Variants in DLGAP1 observed in about 807,000 individuals in gnomAD.
The protein encoded by DLGAP1 is disks large-associated protein 1.
A neutral mutation model predicts 90.8 loss-of-function variants in DLGAP1; 11 were observed. The observed-to-expected ratio is 0.12, with a 90% confidence interval of 0.08 to 0.20. The LOEUF is 0.20. Among genes scored for constraint, DLGAP1 ranks in the 10% least tolerant of loss-of-function variants. DLGAP1 has a pLI of 1.00. For synonymous variants in DLGAP1, 558 were observed against 540.7 expected (o/e 1.03, Z -0.44); for missense variants, 1,050 against 1,333.8 (o/e 0.79, Z 3.31).
intron 5 of DLGAP1, among the ~76,000 whole-genome samples, chr18:3,758,510 C>CT (rs2147882434): frequency 6.6e-6 from 1 of 152,216 alleles, no homozygotes; most frequent in East Asian, 1.9e-4. Flanking sequence ...CTCAAAGCCA[C>CT]TTTCTGTCTG....
intron 5 of DLGAP1, among the ~76,000 whole-genome samples, chr18:3,811,014 C>G (rs1425599989): frequency 6.6e-6 from 1 of 152,108 alleles, no homozygotes; most frequent in Non-Finnish European, 1.5e-5. Context: ...CCATGTTGCC[C>G]AGGCTGGTCT....
intron 9 of DLGAP1, among the ~76,000 whole-genome samples, chr18:3,541,364 GA>G (rs1484585331): frequency 6.6e-6 from 1 of 152,180 alleles, no homozygotes; most frequent in Non-Finnish European, 1.5e-5. Context: ...TTTGAAATTT[GA>G]AACGCCTGAA....
Position 3,583,160 on chromosome 18 carries a change from A to T in DLGAP1, c.1592-912T>A, listed in dbSNP as rs1331743656. ...GACTGACCGACCTACCTACCTACCT[A>T]CCTACCTACCTACCTACCTACCTAC... On this transcript the variant is annotated intron_variant, in intron 7 of 12. Transcript: ENST00000315677. 2.2e-3 allele frequency among the ~76,000 whole-genome samples: 285 copies of T among 130,034 alleles called. 4 individuals are homozygous for T. The highest frequency in any genetic ancestry group is 6.4e-3 in the South Asian group (23 of 3,578). 85.3% of individuals were successfully genotyped at this position (130,034 alleles called of 152,430 possible).
chr18:4,415,016 T>C (rs2082860309), intron 1 of DLGAP1, among the ~76,000 whole-genome samples: 2 of 148,544 alleles, frequency 1.3e-5, no homozygotes, highest in Admixed American at 6.8e-5. Flanking sequence ...ATTGGGTCAA[T>C]TGAAATATAC....
intron 3 of DLGAP1, among the ~76,000 whole-genome samples, chr18:3,913,598 T>C (rs2072080506): frequency 6.6e-6 from 1 of 152,248 alleles, no homozygotes; most frequent in Admixed American, 6.5e-5. Flanking sequence ...ATGGCTGGAT[T>C]GAAATATAGA....
intron 4 of DLGAP1, among the ~76,000 whole-genome samples, chr18:3,870,605 C>CATCTATCTATCT (rs67573915): frequency 3.6e-4 from 54 of 148,228 alleles, no homozygotes; most frequent in South Asian, 6.5e-4. Flanking sequence ...TACATAAATA[C>CATCTATCTATCT]ATCTATCTAT....
intron 2 of DLGAP1, among the ~76,000 whole-genome samples, chr18:4,065,074 A>C (rs1014665460): frequency 1.3e-5 from 2 of 152,158 alleles, no homozygotes; most frequent in Admixed American, 1.3e-4. Flanking sequence ...CTAAAGACAA[A>C]AACCACATGA....
chr18:4,090,993 C>G (rs144482604), intron 2 of DLGAP1, among the ~76,000 whole-genome samples: 4 of 152,160 alleles, frequency 2.6e-5, no homozygotes, highest in South Asian at 2.1e-4. Flanking sequence ...AACACAAGAA[C>G]AGAAAAGCAA....
In DLGAP1 at chr18:3,499,467, G is replaced by C; in HGVS notation, c.2725-73C>G. ...GCTTGGGAAAAACTGGGATAGGTCA[G>C]TAGTTAGAACACACAGTTTTTTACC... On this transcript the variant is annotated intron_variant, in intron 12 of 12. Coordinates refer to ENST00000315677, the MANE Select transcript of DLGAP1 (RefSeq NM_004746.4). The surrounding 1 kb of genome is among the most constrained non-coding windows in gnomAD (Gnocchi z 6.4). The C allele has an allele frequency of 2.0e-6, 3 of 1,488,470 alleles. No homozygotes were observed. Among genetic ancestry groups the C allele is most frequent in the Non-Finnish European group, 1.8e-6 (2 of 1,098,690 alleles). 92.2% of individuals were successfully genotyped at this position (1,488,470 alleles called of 1,614,324 possible).
At chr18:4,072,081 T>C (rs1410126926) in intron 2 of DLGAP1, among the ~76,000 whole-genome samples, 1 of 152,192 alleles carries the variant, frequency 6.6e-6, no homozygotes, top group Admixed American at 6.5e-5. Context: ...TGTGTGTCTG[T>C]GTTGGAGGCC....
chr18:3,561,185 G>C (rs2054071088), intron 9 of DLGAP1, among the ~76,000 whole-genome samples: 1 of 149,202 alleles, frequency 6.7e-6, no homozygotes, highest in East Asian at 1.9e-4. Context: ...GGAGGCTGAG[G>C]TGGGCGGATC....
intron 1 of DLGAP1, among the ~76,000 whole-genome samples, chr18:4,445,643 G>C (rs975593920): frequency 4.0e-5 from 6 of 151,842 alleles, no homozygotes; most frequent in African/African-American, 7.3e-5. Flanking sequence ...CCCTTGAAAA[G>C]TCACTCTACT....
intron 3 of DLGAP1, among the ~76,000 whole-genome samples, chr18:3,988,330 C>T (rs963904893): frequency 1.1e-4 from 17 of 152,148 alleles, no homozygotes; most frequent in African/African-American, 3.4e-4. Context: ...AAGCCTACCA[C>T]CAGAGGCAGC....
At chr18:4,129,958 T>C (rs2076289134) in intron 2 of DLGAP1, among the ~76,000 whole-genome samples, 1 of 152,210 alleles carries the variant, frequency 6.6e-6, no homozygotes. Flanking sequence ...TTCTGGGCAT[T>C]GTCCGGAGCA....
chr18:3,535,076 G>C (rs953425869), intron 9 of DLGAP1, among the ~76,000 whole-genome samples: 10 of 61,862 alleles, frequency 1.6e-4, no homozygotes, highest in African/African-American at 5.4e-4. Context: ...TCTTCTCTGT[G>C]TGTGTGTGTG....
chr18:3,627,946 C>A (rs560632132), intron 7 of DLGAP1, among the ~76,000 whole-genome samples: 1 of 136,404 alleles, frequency 7.3e-6, no homozygotes, highest in Non-Finnish European at 1.5e-5. Context: ...GGGGCGATCT[C>A]GGCTCACTGC....
intron 1 of DLGAP1, among the ~76,000 whole-genome samples, chr18:4,309,895 A>C (rs1254605989): frequency 6.6e-6 from 1 of 152,202 alleles, no homozygotes; most frequent in Non-Finnish European, 1.5e-5. Flanking sequence ...TCTTTCTCTT[A>C]CACCATCTCT....
At chr18:3,615,710 C>CT in intron 7 of DLGAP1, among the ~76,000 whole-genome samples, 1 of 152,296 alleles carries the variant, frequency 6.6e-6, no homozygotes, top group South Asian at 2.1e-4. Context: ...CTGTAGGCAA[C>CT]TGGAGACACC....
chr18:4,254,934 G>A (rs1438705334), intron 1 of DLGAP1, among the ~76,000 whole-genome samples: 5 of 152,134 alleles, frequency 3.3e-5, no homozygotes, highest in Non-Finnish European at 7.4e-5. Flanking sequence ...GCAACAGAAT[G>A]GAGTTCAATG....
Sources: gnomAD v4.1 joint callset for allele counts (sites outside exome capture counted in the v4.1 genomes callset) on GRCh38, gnomAD v4.1.1 for gene constraint, Gnocchi (gnomAD v3.1) non-coding constraint, MANE v1.5 for transcripts, NCBI Gene and HGNC (gene_info 2026-07-23, HGNC 2026-07-21) for gene names.